BICC1: variants seen among roughly 807,000 people sequenced by gnomAD.
BICC1 encodes BicC family RNA binding protein 1, also known as protein bicaudal C homolog 1.
BICC1 carries 43 observed loss-of-function variants against 111.0 expected under a neutral mutation model. That is an observed-to-expected ratio of 0.39 (90% CI 0.30 to 0.50). The LOEUF (loss-of-function observed/expected upper bound fraction) is 0.50. Ranked by LOEUF, BICC1 falls within the 20% of genes least tolerant of loss-of-function variation. The pLI is 0.88. For synonymous variants in BICC1, 467 were observed against 434.4 expected (o/e 1.07, Z -0.93); for missense variants, 1,091 against 1,203.2 (o/e 0.91, Z 1.38).
chr10:58,813,305 A>T (rs189427947), intron 17 of BICC1, among the ~76,000 whole-genome samples: 1 of 152,176 alleles, frequency 6.6e-6, no homozygotes, highest in East Asian at 1.9e-4. Context: ...TACTCCAGGT[A>T]TGTAATTTGT....
At chr10:58,632,370 A>G (rs972938777) in intron 2 of BICC1, among the ~76,000 whole-genome samples, 2 of 152,164 alleles carry the variant, frequency 1.3e-5, no homozygotes, top group Non-Finnish European at 2.9e-5. Context: ...ACACTATACC[A>G]TGTACAGTTC....
intron 3 of BICC1, among the ~76,000 whole-genome samples, chr10:58,746,258 T>C (rs1841835431): frequency 6.6e-6 from 1 of 152,132 alleles, no homozygotes; most frequent in Non-Finnish European, 1.5e-5. Flanking sequence ...ACATCAAATA[T>C]TACAATTTAG....
chr10:58,674,060 T>C (rs1440823692), intron 2 of BICC1, among the ~76,000 whole-genome samples: 1 of 152,250 alleles, frequency 6.6e-6, no homozygotes, highest in Admixed American at 6.5e-5. Context: ...ATAAATCATT[T>C]AGCTACCAAC....
At chr10:58,679,941 A>G (rs1839464802) in intron 2 of BICC1, among the ~76,000 whole-genome samples, 2 of 152,206 alleles carry the variant, frequency 1.3e-5, no homozygotes, top group South Asian at 2.1e-4. Context: ...CAAAAACCAC[A>G]TGATTACCTC....
At chr10:58,696,176 A>G (rs1312027387) in intron 2 of BICC1, among the ~76,000 whole-genome samples, 3 of 152,260 alleles carry the variant, frequency 2.0e-5, no homozygotes, top group East Asian at 1.9e-4. Context: ...GAAAAGAAGT[A>G]CTTAAGTCTT....
At chr10:58,796,209 T>G (rs1447068378) in intron 9 of BICC1, 131 bp from the exon 10 acceptor site, 1 of 749,708 alleles carries the variant, frequency 1.3e-6, no homozygotes, top group Non-Finnish European at 2.2e-6. Flanking sequence ...GCAGATGATT[T>G]AAAAGCAGCA....
chr10:58,815,474 A>G lies in BICC1; in HGVS notation c.2533+1488A>G, dbSNP rs541774576. 3.3e-5 allele frequency among the ~76,000 whole-genome samples: 5 copies of G among 152,158 alleles called. No homozygotes were observed. The South Asian group carries it at 1.0e-3, about 32-fold the overall frequency. On this transcript the variant is annotated intron_variant, in intron 18 of 20. Coordinates refer to ENST00000373886, the MANE Select transcript of BICC1 (RefSeq NM_001080512.3). ...ATGTCCAGTCTCTAGCCCAAGATACATTCATTTGGTGCTTCTCTTTTTCTA... is the reference window on the plus strand; with the variant it reads ...ATGTCCAGTCTCTAGCCCAAGATACGTTCATTTGGTGCTTCTCTTTTTCTA...
intron 15 of BICC1, among the ~76,000 whole-genome samples, chr10:58,804,131 T>A (rs1843639769): frequency 6.6e-6 from 1 of 152,238 alleles, no homozygotes; most frequent in African/African-American, 2.4e-5. Context: ...TCTATTTTTT[T>A]AATCCTTTGC....
rs183024619 is a variant in BICC1 at position 58,821,210 on chromosome 10, G to T, written c.2794+742G>T. Among the ~76,000 whole-genome samples, 223 of 152,168 alleles carry T rather than the reference G, an allele frequency of 1.5e-3. 1 individual carries two copies. The highest frequency in any genetic ancestry group is 5.0e-3 in the African/African-American group (207 of 41,530). Reference sequence around the variant, plus strand: ...ATGCGGAAATTTTAAGGAGGGAATGGGATTAGTTTTTGAAGACTTGCCAAT... The same window carrying T: ...ATGCGGAAATTTTAAGGAGGGAATGTGATTAGTTTTTGAAGACTTGCCAAT... On this transcript the variant is annotated intron_variant, in intron 20 of 20. Transcript: ENST00000373886.
chr10:58,522,589 C>T (rs1040943636), intron 1 of BICC1, among the ~76,000 whole-genome samples: 1 of 151,970 alleles, frequency 6.6e-6, no homozygotes, highest in Non-Finnish European at 1.5e-5. Flanking sequence ...ACTAAATGCC[C>T]ACAAGAGAAA....
intron 3 of BICC1, among the ~76,000 whole-genome samples, chr10:58,749,813 A>G (rs550716871): frequency 7.2e-5 from 11 of 152,158 alleles, no homozygotes; most frequent in Non-Finnish European, 1.0e-4. Context: ...ACTTTTTAAA[A>G]TGTTGGCTCA....
chr10:58,760,753 G>T (rs1842290855), intron 3 of BICC1, among the ~76,000 whole-genome samples: 1 of 152,268 alleles, frequency 6.6e-6, no homozygotes, highest in Non-Finnish European at 1.5e-5. Flanking sequence ...AATGTGAGAT[G>T]AATTTACAAA....
chr10:58,637,771 T>C (rs1837994796), intron 2 of BICC1, among the ~76,000 whole-genome samples: 1 of 152,216 alleles, frequency 6.6e-6, no homozygotes, highest in African/African-American at 2.4e-5. Context: ...CTGTCAGTTA[T>C]TGGCTGTGAG....
At chr10:58,628,476 T>C (rs955516921) in intron 2 of BICC1, among the ~76,000 whole-genome samples, 2 of 152,156 alleles carry the variant, frequency 1.3e-5, no homozygotes, top group Non-Finnish European at 1.5e-5. Context: ...GTTTTGACAT[T>C]CAGAGGTGTA....
At chr10:58,707,221 G>T (rs933673352) in intron 3 of BICC1, among the ~76,000 whole-genome samples, 2 of 152,188 alleles carry the variant, frequency 1.3e-5, no homozygotes, top group Non-Finnish European at 2.9e-5. Context: ...GAAAATGTTA[G>T]CATGAGAAAA....
chr10:58,521,088 G>A (rs549871127), intron 1 of BICC1, among the ~76,000 whole-genome samples: 3 of 152,144 alleles, frequency 2.0e-5, no homozygotes, highest in African/African-American at 7.2e-5. Flanking sequence ...CATGGTTTCC[G>A]GTGTCTGTAT....
intron 4 of BICC1, 32 bp from the exon 5 acceptor site, chr10:58,786,891 A>T: frequency 6.7e-7 from 1 of 1,488,236 alleles, no homozygotes; most frequent in South Asian, 1.4e-5. Context: ...CCTTTTGCAT[A>T]CATCAAGTAA....
chr10:58,738,449 C>G lies in BICC1; in HGVS notation c.307+36306C>G, dbSNP rs147992998. 2.3e-3 allele frequency among the ~76,000 whole-genome samples: 352 copies of G among 152,274 alleles called. 2 individuals are homozygous for G. Among genetic ancestry groups the G allele is most frequent in the African/African-American group, 8.3e-3 (343 of 41,552 alleles). Reference sequence around the variant, plus strand: ...TCTGTTCTGTTCCATTGGTCTATATCTCTGTGTTGGTGCCAGTACCATGCT... The same window carrying G: ...TCTGTTCTGTTCCATTGGTCTATATGTCTGTGTTGGTGCCAGTACCATGCT... On this transcript the variant is annotated intron_variant, in intron 3 of 20. Transcript: ENST00000373886.
At chr10:58,556,167 C>A (rs1312446215) in intron 1 of BICC1, among the ~76,000 whole-genome samples, 3 of 151,994 alleles carry the variant, frequency 2.0e-5, no homozygotes, top group African/African-American at 7.2e-5. Flanking sequence ...TAGTCTCTTA[C>A]TGTTGAATGT....
Sources: gnomAD v4.1 joint callset for allele counts (sites outside exome capture counted in the v4.1 genomes callset) on GRCh38, gnomAD v4.1.1 for gene constraint, MANE v1.5 for transcripts, NCBI Gene and HGNC (gene_info 2026-07-23, HGNC 2026-07-21) for gene names.